The following PPM1E variants were observed in gnomAD, a reference collection of about 807,000 sequenced individuals.
The protein encoded by PPM1E is protein phosphatase 1E.
A neutral mutation model predicts 65.9 loss-of-function variants in PPM1E; 20 were observed. The ratio of observed to expected loss-of-function variants is 0.30; its 90% CI spans 0.21 to 0.44. The LOEUF (loss-of-function observed/expected upper bound fraction) is 0.44, where lower values mean the gene tolerates loss of function less well. PPM1E is among the 20% of genes least tolerant of loss of function. PPM1E has a pLI of 1.00. For missense variants in PPM1E, 713 were observed against 953.1 expected (o/e 0.75, Z 3.32); for synonymous variants, 352 against 374.9 (o/e 0.94, Z 0.70).
At chr17:58,780,055 A>G (rs1380829169) in intron 1 of PPM1E, among the ~76,000 whole-genome samples, 1 of 151,922 alleles carries the variant, frequency 6.6e-6, no homozygotes, top group African/African-American at 2.4e-5. Context: ...CCATTCATAT[A>G]TGTAGATCTT....
chr17:58,913,271 T>G (rs2051648212), intron 1 of PPM1E, among the ~76,000 whole-genome samples: 1 of 152,154 alleles, frequency 6.6e-6, no homozygotes, highest in African/African-American at 2.4e-5. Context: ...CAACATCTTA[T>G]GTCAGAAATA....
chr17:58,816,940 G>T (rs908793834), intron 1 of PPM1E, among the ~76,000 whole-genome samples: 1 of 150,762 alleles, frequency 6.6e-6, no homozygotes, highest in Non-Finnish European at 1.5e-5. Flanking sequence ...GGCCTATGGC[G>T]CATGACCACC....
At chr17:58,898,703 T>C (rs1202695197) in intron 1 of PPM1E, among the ~76,000 whole-genome samples, 1 of 152,144 alleles carries the variant, frequency 6.6e-6, no homozygotes, top group African/African-American at 2.4e-5. Context: ...TAAAGACACA[T>C]GCACACATAT....
At chr17:58,953,277 C>T (rs1054867461) in intron 1 of PPM1E, among the ~76,000 whole-genome samples, 2 of 152,148 alleles carry the variant, frequency 1.3e-5, no homozygotes, top group African/African-American at 4.8e-5. Flanking sequence ...TTATTTGGCT[C>T]ACAGTTCTGC....
intron 1 of PPM1E, among the ~76,000 whole-genome samples, chr17:58,775,908 G>A (rs1270118606): frequency 2.8e-5 from 3 of 108,436 alleles, no homozygotes; most frequent in South Asian, 3.5e-4. Context: ...GCGACAGAGC[G>A]AGACTCCGTC....
At chr17:58,948,876 C>T (rs2052199009) in intron 1 of PPM1E, among the ~76,000 whole-genome samples, 1 of 152,132 alleles carries the variant, frequency 6.6e-6, no homozygotes, top group Non-Finnish European at 1.5e-5. Context: ...AGATAAGATA[C>T]TTGATATGAC....
chr17:58,982,095 A>G lies in PPM1E; in HGVS notation c.*1064A>G, dbSNP rs1290582236. 6.6e-6 allele frequency: 1 copy of G among 152,664 alleles called. No individual in the cohort carries two copies. The highest frequency in any genetic ancestry group is 1.5e-5 in the Non-Finnish European group (1 of 68,038). 9.5% of individuals were successfully genotyped at this position (152,664 alleles called of 1,614,324 possible). A position where few individuals can be genotyped will look rare whatever the true frequency, so the allele number is the denominator to read the frequency against. Reference sequence around the variant, plus strand: ...ATGAAGGAGGCTGAAAGTATTGTCTAAAGTGAGCCCAGAGGCCACTGAGAA... The same window carrying G: ...ATGAAGGAGGCTGAAAGTATTGTCTGAAGTGAGCCCAGAGGCCACTGAGAA... On this transcript the variant is annotated 3_prime_UTR_variant, in exon 7 of 7. Transcript: ENST00000308249.
chr17:58,923,447 T>TA (rs974674315), intron 1 of PPM1E, among the ~76,000 whole-genome samples: 65 of 151,586 alleles, frequency 4.3e-4, no homozygotes, highest in Non-Finnish European at 8.3e-4. Context: ...ATCCCATTCC[T>TA]AAAAAAAAGT....
intron 1 of PPM1E, among the ~76,000 whole-genome samples, chr17:58,762,219 C>T (rs1307333229): frequency 2.0e-5 from 3 of 152,174 alleles, no homozygotes; most frequent in African/African-American, 7.2e-5. Context: ...GTGAAGATGG[C>T]TGGGCTTGGT....
chr17:58,878,541 G>C (rs1316528408), intron 1 of PPM1E, among the ~76,000 whole-genome samples: 1 of 151,732 alleles, frequency 6.6e-6, no homozygotes, highest in Non-Finnish European at 1.5e-5. Context: ...ACCACGCCTA[G>C]CCAGAATAGA....
chr17:58,805,381 A>C (rs1252954129), intron 1 of PPM1E, among the ~76,000 whole-genome samples: 1 of 152,028 alleles, frequency 6.6e-6, no homozygotes, highest in African/African-American at 2.4e-5. Context: ...CTCCCGAGTA[A>C]CTGGGATTAC....
chr17:58,919,560 A>C (rs1424197752), intron 1 of PPM1E, among the ~76,000 whole-genome samples: 1 of 152,032 alleles, frequency 6.6e-6, no homozygotes, highest in Non-Finnish European at 1.5e-5. Flanking sequence ...CCGAGATGGG[A>C]GGATCACCTG....
intron 1 of PPM1E, among the ~76,000 whole-genome samples, chr17:58,784,672 G>T (rs563182471): frequency 1.3e-5 from 2 of 151,706 alleles, no homozygotes; most frequent in African/African-American, 4.8e-5. Flanking sequence ...TTACAGGCCC[G>T]TGCCACCACA....
At chr17:58,883,600 C>G (rs1453214971) in intron 1 of PPM1E, among the ~76,000 whole-genome samples, 2 of 150,440 alleles carry the variant, frequency 1.3e-5, no homozygotes, top group Non-Finnish European at 3.0e-5. Context: ...TCTCCTGCCT[C>G]AGCCTCCCGC....
At chr17:58,762,894 T>C (rs2049836514) in intron 1 of PPM1E, among the ~76,000 whole-genome samples, 1 of 128,924 alleles carries the variant, frequency 7.8e-6, no homozygotes, top group Non-Finnish European at 1.7e-5. Flanking sequence ...CGAGACTCCG[T>C]CTCAAAAAAA....
chr17:58,910,853 C>T (rs1033577419), intron 1 of PPM1E, among the ~76,000 whole-genome samples: 1 of 152,168 alleles, frequency 6.6e-6, no homozygotes, highest in Non-Finnish European at 1.5e-5. Flanking sequence ...TAGCTAGTTT[C>T]TTCTGAAAGA....
chr17:58,888,761 G>A (rs891878515), intron 1 of PPM1E, among the ~76,000 whole-genome samples: 2 of 152,196 alleles, frequency 1.3e-5, no homozygotes. Flanking sequence ...AACCTCATCA[G>A]TTTCTGCAAA....
At chr17:58,827,557 T>C (rs2050551560) in intron 1 of PPM1E, among the ~76,000 whole-genome samples, 1 of 152,172 alleles carries the variant, frequency 6.6e-6, no homozygotes, top group Admixed American at 6.5e-5. Context: ...TATTCAGATA[T>C]TCTGTTACAG....
chr17:58,946,246 A>T (rs2052148970), intron 1 of PPM1E, among the ~76,000 whole-genome samples: 1 of 152,208 alleles, frequency 6.6e-6, no homozygotes, highest in African/African-American at 2.4e-5. Context: ...CACTCAGGAA[A>T]TAAAAAGGGT....
Sources: gnomAD v4.1 joint callset for allele counts (sites outside exome capture counted in the v4.1 genomes callset) on GRCh38, gnomAD v4.1.1 for gene constraint, MANE v1.5 for transcripts, NCBI Gene and HGNC (gene_info 2026-07-23, HGNC 2026-07-21) for gene names.